Variants in ARHGAP15 observed in about 807,000 individuals in gnomAD.
ARHGAP15 encodes the protein rho GTPase-activating protein 15.
In ARHGAP15, 51 loss-of-function variants were observed where a neutral mutation model predicts 63.7. The observed-to-expected ratio is 0.80, with a 90% CI of 0.64 to 1.01. The LOEUF (loss-of-function observed/expected upper bound fraction) is 1.01. Ranked by LOEUF, ARHGAP15 falls within the 50% of genes least tolerant of loss-of-function variation. The pLI, the probability that ARHGAP15 is intolerant of heterozygous loss-of-function variation, is 0.00. For synonymous variants in ARHGAP15, 191 were observed against 193.8 expected (o/e 0.99, Z 0.12); for missense variants, 560 against 564.6 (o/e 0.99, Z 0.08).
intron 11 of ARHGAP15, among the ~76,000 whole-genome samples, chr2:143,566,632 C>G (rs1293249730): frequency 6.6e-6 from 1 of 152,102 alleles, no homozygotes; most frequent in African/African-American, 2.4e-5. Context: ...CCAACCACCA[C>G]GGCTTCCTTT....
At chr2:143,375,222 C>G (rs1487589124) in intron 6 of ARHGAP15, among the ~76,000 whole-genome samples, 3 of 152,102 alleles carry the variant, frequency 2.0e-5, no homozygotes, top group African/African-American at 7.2e-5. Flanking sequence ...GTGTGTGTTC[C>G]TAGTAATAAT....
intron 6 of ARHGAP15, among the ~76,000 whole-genome samples, chr2:143,297,072 C>T (rs1480773787): frequency 1.3e-5 from 2 of 151,858 alleles, no homozygotes; most frequent in East Asian, 3.9e-4. Context: ...AAAAGGTACC[C>T]CAGTATCTTC....
intron 9 of ARHGAP15, among the ~76,000 whole-genome samples, chr2:143,518,346 C>T (rs1290799318): frequency 1.3e-5 from 2 of 152,132 alleles, no homozygotes; most frequent in Admixed American, 6.6e-5. Context: ...TGCAAGGTAG[C>T]GTCAATCATG....
chr2:143,282,580 G>A (rs1681906633), intron 6 of ARHGAP15, among the ~76,000 whole-genome samples: 1 of 151,722 alleles, frequency 6.6e-6, no homozygotes, highest in South Asian at 2.1e-4. Context: ...ACCTCTCACT[G>A]TTTCCCCACC....
rs1455252322 is a variant in ARHGAP15 at position 143,296,002 on chromosome 2, TAC to T, written c.474+45404_474+45405del. On this transcript the variant is annotated intron_variant, in intron 6 of 13. Coordinates refer to ENST00000295095, the MANE Select transcript of ARHGAP15 (RefSeq NM_018460.4). ...ACATTTCTGGGCCTCTACGGCTTGTTACAGAGAACCTAACCAAGACCTCGGTA... is the reference window on the plus strand; with the variant it reads ...ACATTTCTGGGCCTCTACGGCTTGTTAGAGAACCTAACCAAGACCTCGGTA... Among the ~76,000 whole-genome samples the T allele has an allele frequency of 2.0e-5, 3 of 152,118 alleles. No individual in the cohort carries two copies. The East Asian group carries it at 5.8e-4, about 30-fold the overall frequency.
intron 12 of ARHGAP15, among the ~76,000 whole-genome samples, chr2:143,698,691 T>C (rs1222206185): frequency 2.0e-5 from 3 of 152,014 alleles, no homozygotes; most frequent in African/African-American, 7.2e-5. Flanking sequence ...TATTTGGATA[T>C]GGGTGGAGAA....
chr2:143,241,824 G>C (rs913793930), intron 5 of ARHGAP15, among the ~76,000 whole-genome samples: 7 of 152,178 alleles, frequency 4.6e-5, no homozygotes, highest in Non-Finnish European at 2.9e-5. Context: ...TCCAGGACAA[G>C]AGAGTGAAGT....
chr2:143,259,020 CT>C (rs5834942), intron 6 of ARHGAP15, among the ~76,000 whole-genome samples: 33,424 of 148,348 alleles, frequency 0.23, 3,904 homozygotes, highest in South Asian at 0.36. Context: ...TGATTGTGGT[CT>C]TTTTTTTTTT....
At chr2:143,542,505 G>A (rs780411216) in intron 10 of ARHGAP15, among the ~76,000 whole-genome samples, 9 of 151,330 alleles carry the variant, frequency 5.9e-5, no homozygotes, top group African/African-American at 1.2e-4. Flanking sequence ...GTTCCTATTC[G>A]GCCATCTTGG....
At chr2:143,207,555 A>C (rs183389715) in intron 3 of ARHGAP15, among the ~76,000 whole-genome samples, 36 of 151,802 alleles carry the variant, frequency 2.4e-4, no homozygotes, top group Admixed American at 1.8e-3. Flanking sequence ...TTTTGGAACT[A>C]CCAATCAGCT....
Position 143,582,832 on chromosome 2 carries a change from G to A in ARHGAP15, c.1003+26347G>A, listed in dbSNP as rs533297676. Among the ~76,000 whole-genome samples the A allele has an allele frequency of 1.9e-3, 290 of 152,328 alleles. 3 individuals carry two copies. Among genetic ancestry groups the A allele is most frequent in the African/African-American group, 6.7e-3 (279 of 41,576 alleles). ...CCAGCTTGCCAATGGGTGAGGAGGAGACAATACTTCAAAAACTTTTCATGG... is the reference window on the plus strand; with the variant it reads ...CCAGCTTGCCAATGGGTGAGGAGGAAACAATACTTCAAAAACTTTTCATGG... On this transcript the variant is annotated intron_variant, in intron 11 of 13. Transcript: ENST00000295095.
At chr2:143,401,475 C>T (rs1687985670) in intron 6 of ARHGAP15, among the ~76,000 whole-genome samples, 1 of 151,922 alleles carries the variant, frequency 6.6e-6, no homozygotes, top group South Asian at 2.1e-4. Context: ...TAACTGAGAA[C>T]TTATGTACAA....
chr2:143,385,825 CTA>C (rs1372409163), intron 6 of ARHGAP15, among the ~76,000 whole-genome samples: 1 of 151,988 alleles, frequency 6.6e-6, no homozygotes, highest in African/African-American at 2.4e-5. Context: ...AAACATTGAT[CTA>C]GATTTTTTAG....
chr2:143,265,360 C>A (rs1472875921), intron 6 of ARHGAP15, among the ~76,000 whole-genome samples: 1 of 151,798 alleles, frequency 6.6e-6, no homozygotes, highest in East Asian at 1.9e-4. Flanking sequence ...GTTGGAAAAT[C>A]TAAACATAGT....
chr2:143,263,483 G>A (rs933351462), intron 6 of ARHGAP15, among the ~76,000 whole-genome samples: 2 of 152,110 alleles, frequency 1.3e-5, no homozygotes, highest in South Asian at 2.1e-4. Context: ...TAGCCTTGGG[G>A]AGAAAAAGCC....
chr2:143,623,268 G>T (rs1005824959), intron 11 of ARHGAP15, among the ~76,000 whole-genome samples: 2 of 152,028 alleles, frequency 1.3e-5, no homozygotes, highest in African/African-American at 2.4e-5. Flanking sequence ...TCATATTGAG[G>T]GTGAAAAGGA....
chr2:143,241,022 A>G (rs566680064), intron 5 of ARHGAP15, among the ~76,000 whole-genome samples: 2 of 152,296 alleles, frequency 1.3e-5, no homozygotes, highest in African/African-American at 4.8e-5. Context: ...AACTGTTTTA[A>G]TTATGAAGCT....
At chr2:143,547,134 T>A (rs1231987041) in intron 10 of ARHGAP15, among the ~76,000 whole-genome samples, 1 of 152,126 alleles carries the variant, frequency 6.6e-6, no homozygotes, top group Non-Finnish European at 1.5e-5. Flanking sequence ...CTGGCATATA[T>A]CTGTAAGTCA....
At chr2:143,726,687 C>T (rs759185088) in intron 13 of ARHGAP15, among the ~76,000 whole-genome samples, 7 of 152,168 alleles carry the variant, frequency 4.6e-5, no homozygotes, top group Admixed American at 2.6e-4. Flanking sequence ...CAGCTCTGGA[C>T]GGCACATGTT....
Sources: allele counts gnomAD v4.1 joint callset (sites outside exome capture counted in the v4.1 genomes callset), GRCh38; gene constraint gnomAD v4.1.1; transcripts MANE v1.5; gene names NCBI Gene and HGNC (gene_info 2026-07-23, HGNC 2026-07-21).